MGAT5: variants seen among roughly 807,000 people sequenced by gnomAD.
MGAT5 encodes the protein alpha-1,6-mannosylglycoprotein 6-beta-N-acetylglucosaminyltransferase.
Under a neutral mutation model 94.3 loss-of-function variants are expected in MGAT5, and 30 were observed. That is an observed-to-expected ratio of 0.32 (90% confidence interval 0.24 to 0.43). The LOEUF is 0.43. MGAT5 is among the 20% of genes least tolerant of loss of function. MGAT5 has a pLI of 1.00. For synonymous variants in MGAT5, 310 were observed against 322.9 expected, an observed-to-expected ratio of 0.96 and a Z score of 0.43; for missense variants, 691 against 905.5, an observed-to-expected ratio of 0.76 and a Z score of 3.04.
At chr2:134,139,886 C>G (rs1474755005) in intron 1 of MGAT5, among the ~76,000 whole-genome samples, 1 of 152,210 alleles carries the variant, frequency 6.6e-6, no homozygotes, top group East Asian at 1.9e-4. Flanking sequence ...TATGCACTTG[C>G]TGGCCATTCG....
In MGAT5 at chr2:134,403,153, G is replaced by C; in HGVS notation, c.1530+16G>C. ...AGAAACCAAGGTAAAAATTCACCAC[G>C]GATGTGGTGTTCAGGTTATTGCCAT... is the stretch of plus-strand genomic sequence containing the variant. On this transcript the variant is annotated intron_variant, in intron 11 of 15. Coordinates refer to ENST00000281923, the MANE Select transcript of MGAT5 (RefSeq NM_002410.5). The C allele has an allele frequency of 6.3e-7, 1 of 1,596,592 alleles. No homozygotes were observed. The highest frequency in any genetic ancestry group is 2.2e-5 in the East Asian group (1 of 44,460).
chr2:134,191,717 A>T (rs1482373100), intron 1 of MGAT5, among the ~76,000 whole-genome samples: 1 of 128,598 alleles, frequency 7.8e-6, no homozygotes, highest in African/African-American at 3.1e-5. Context: ...TCCTGATGGG[A>T]GGGTGGGTTC....
rs115219715 is a variant in MGAT5, at chr2:134,301,287, G to A, written c.407-16242G>A. Among the ~76,000 whole-genome samples the A allele has an allele frequency of 4.4e-3, 665 of 152,288 alleles. 4 individuals are homozygous for A. The highest frequency in any genetic ancestry group is 0.015 in the African/African-American group (625 of 41,564). Reference sequence around the variant, plus strand: ...TATCTGTTTTCCTGATAATGAGCATGTGAGTCATTTCCAGTTGTGAGCTGT... The same window carrying A: ...TATCTGTTTTCCTGATAATGAGCATATGAGTCATTTCCAGTTGTGAGCTGT... On this transcript the variant is annotated intron_variant, in intron 2 of 15. Transcript: ENST00000281923.
chr2:134,396,889 C>T (rs1377727745), intron 10 of MGAT5, among the ~76,000 whole-genome samples: 1 of 152,222 alleles, frequency 6.6e-6, no homozygotes, highest in Non-Finnish European at 1.5e-5. Flanking sequence ...TTGACCTTCA[C>T]CTGGGTGGAT....
chr2:134,161,951 G>A (rs1687756925), intron 1 of MGAT5, among the ~76,000 whole-genome samples: 1 of 152,094 alleles, frequency 6.6e-6, no homozygotes, highest in South Asian at 2.1e-4. Context: ...TGCACTTTGG[G>A]AGGCTGAGGC....
chr2:134,295,440 G>A (rs982201148), intron 2 of MGAT5, among the ~76,000 whole-genome samples: 9 of 152,128 alleles, frequency 5.9e-5, no homozygotes, highest in African/African-American at 1.7e-4. Flanking sequence ...TAAGAGCTGC[G>A]AAATAAGTTA....
chr2:134,435,835 C>T (rs1360754461), intron 14 of MGAT5, among the ~76,000 whole-genome samples: 1 of 152,180 alleles, frequency 6.6e-6, no homozygotes, highest in Non-Finnish European at 1.5e-5. Flanking sequence ...GGCAAGTTGG[C>T]ACTGCCTTAT....
intron 1 of MGAT5, among the ~76,000 whole-genome samples, chr2:134,232,827 T>C (rs532340454): frequency 3.2e-4 from 48 of 152,310 alleles, no homozygotes; most frequent in African/African-American, 9.1e-4. Flanking sequence ...GTGGTTGTTA[T>C]GGTGTGTTAT....
intron 1 of MGAT5, among the ~76,000 whole-genome samples, chr2:134,194,581 C>T (rs1246702239): frequency 6.6e-6 from 1 of 152,132 alleles, no homozygotes; most frequent in Non-Finnish European, 1.5e-5. Flanking sequence ...CTTTTGCTCA[C>T]ACTCTAGGAA....
intron 9 of MGAT5, among the ~76,000 whole-genome samples, chr2:134,355,271 G>T (rs1679661858): frequency 6.6e-6 from 1 of 152,142 alleles, no homozygotes; most frequent in South Asian, 2.1e-4. Flanking sequence ...TTTTTCACAA[G>T]TGTAGTTTTA....
intron 2 of MGAT5, among the ~76,000 whole-genome samples, chr2:134,282,070 G>A (rs545234640): frequency 2.6e-5 from 4 of 152,302 alleles, no homozygotes; most frequent in East Asian, 3.9e-4. Context: ...GGAGATGGTT[G>A]TGTGTTCAGG....
chr2:134,171,174 A>C (rs1688191545), intron 1 of MGAT5, among the ~76,000 whole-genome samples: 1 of 152,170 alleles, frequency 6.6e-6, no homozygotes, highest in African/African-American at 2.4e-5. Flanking sequence ...ATATATTTCC[A>C]AAATGGCTTT....
intron 10 of MGAT5, among the ~76,000 whole-genome samples, chr2:134,378,003 CGTT>C (rs779327805): frequency 6.6e-6 from 1 of 152,150 alleles, no homozygotes; most frequent in Non-Finnish European, 1.5e-5. Context: ...CCTTCAAACA[CGTT>C]GTTTCCTGGC....
At chr2:134,316,067 C>T (rs534376975) in intron 2 of MGAT5, among the ~76,000 whole-genome samples, 4 of 152,192 alleles carry the variant, frequency 2.6e-5, no homozygotes, top group African/African-American at 4.8e-5. Context: ...AGAAAACTAT[C>T]GGCAGTAGGT....
chr2:134,288,724 CCT>C (rs1685165364), intron 2 of MGAT5, among the ~76,000 whole-genome samples: 1 of 152,086 alleles, frequency 6.6e-6, no homozygotes, highest in Admixed American at 6.6e-5. Flanking sequence ...GAGTGTAATA[CCT>C]CTGTCAGCCT....
At chr2:134,374,690 C>T (rs1302730292) in intron 10 of MGAT5, among the ~76,000 whole-genome samples, 1 of 152,160 alleles carries the variant, frequency 6.6e-6, no homozygotes, top group Admixed American at 6.5e-5. Flanking sequence ...AGTCCATCTG[C>T]AGTCAACATA....
chr2:134,270,308 C>G, intron 1 of MGAT5, 78 bp from the exon 2 acceptor site: 1 of 1,383,328 alleles, frequency 7.2e-7, no homozygotes, highest in Non-Finnish European at 1.0e-6. Flanking sequence ...GTTTTGTTCT[C>G]CACGATAAAG....
Position 134,441,794 on chromosome 2 carries a change from A to G in MGAT5, c.1906A>G (p.Ser636Gly). 6.2e-7 allele frequency: 1 copy of G among 1,614,030 alleles called. No homozygotes were observed. The highest frequency in any genetic ancestry group is 8.5e-7 in the Non-Finnish European group (1 of 1,179,924). ...CHGQVMWPPLSALQVKLAEPG... is the reference protein window; with the variant it reads ...CHGQVMWPPLGALQVKLAEPG... ...TGGGCAAGTGATGTGGCCACCCCTCAGCGCCCTACAGGTCAAGCTTGCTGA... is the reference window on the plus strand; with the variant it reads ...TGGGCAAGTGATGTGGCCACCCCTCGGCGCCCTACAGGTCAAGCTTGCTGA... Residue 636 changes from serine (S) to glycine (G), a missense_variant, in exon 15 of 16, where the codon AGC (serine) becomes GGC (glycine). Physicochemically the swap from Ser to Gly is moderately conservative, Grantham distance 56. Around this residue, in one of 4 missense-constraint regions of MGAT5, gnomAD observed 260 missense variants for 347.0 expected, o/e 0.75. Coordinates refer to ENST00000281923, the MANE Select transcript of MGAT5 (RefSeq NM_002410.5).
chr2:134,315,864 G>A (rs1686968415), intron 2 of MGAT5, among the ~76,000 whole-genome samples: 1 of 152,186 alleles, frequency 6.6e-6, no homozygotes, highest in Admixed American at 6.5e-5. Context: ...TAGAGGGCTT[G>A]TTGAAATACT....
Sources: allele counts gnomAD v4.1 joint callset (sites outside exome capture counted in the v4.1 genomes callset), GRCh38; gene constraint gnomAD v4.1.1; regional missense constraint gnomAD v4.1.1; transcripts MANE v1.5; gene names NCBI Gene and HGNC (gene_info 2026-07-23, HGNC 2026-07-21).